The following NRG2 variants were observed in gnomAD, a reference collection of about 807,000 sequenced individuals.
NRG2 encodes the protein pro-neuregulin-2, membrane-bound isoform.
Under a neutral mutation model 73.9 loss-of-function variants are expected in NRG2, and 27 were observed. The ratio of observed to expected loss-of-function variants is 0.37; its 90% confidence interval spans 0.27 to 0.50. NRG2 has a LOEUF of 0.50. NRG2 is among the 20% of genes least tolerant of loss of function. The pLI is 0.96. For synonymous variants in NRG2, 532 were observed against 541.0 expected, an observed-to-expected ratio of 0.98 and a Z score of 0.23; for missense variants, 1,126 against 1,210.1, an observed-to-expected ratio of 0.93 and a Z score of 1.03.
chr5:139,848,021 C>T lies in NRG2; in HGVS notation c.2449G>A (p.Asp817Asn). The change falls in exon 10 of 10, where the codon GAC becomes AAC. Residue 817 changes from aspartate to asparagine, a missense_variant. Coordinates refer to ENST00000361474, the MANE Select transcript of NRG2 (RefSeq NM_004883.3). ...TCCAGTGAGTAGTAAGTCCTGCTGT[C>T]GGCCGCCGGGCACAGTGGCGGCGAG... ...SDSPPLCPAA[D>N]SRTYYSLDSH... is the part of the protein sequence containing the mutation. The T allele has an allele frequency of 6.6e-7, 1 of 1,511,410 alleles. No individual in the cohort carries two copies. The allele number at this position is 1,511,410 out of a possible 1,614,324, so 93.6% of individuals were successfully genotyped here. A position where few individuals can be genotyped will look rare whatever the true frequency, so the allele number is the denominator to read the frequency against.
At chr5:139,855,644 G>A in intron 6 of NRG2, 32 bp downstream of exon 6, 1 of 1,573,770 alleles carries the variant, frequency 6.4e-7, no homozygotes. Flanking sequence ...CCTTGGCTTG[G>A]CCTGTCCCCA....
chr5:139,942,468 T>C (rs1247603833), intron 1 of NRG2, among the ~76,000 whole-genome samples: 1 of 152,234 alleles, frequency 6.6e-6, no homozygotes, highest in Non-Finnish European at 1.5e-5. Context: ...TTGTACTGAG[T>C]TAGTGTTTTC....
intron 1 of NRG2, among the ~76,000 whole-genome samples, chr5:140,024,387 T>C (rs955389108): frequency 1.3e-5 from 2 of 151,836 alleles, no homozygotes; most frequent in Admixed American, 6.6e-5. Context: ...CCAGAGTAGC[T>C]GGGACTACAG....
intron 1 of NRG2, among the ~76,000 whole-genome samples, chr5:140,014,791 A>C (rs2126652300): frequency 6.6e-6 from 1 of 152,298 alleles, no homozygotes; most frequent in South Asian, 2.1e-4. Flanking sequence ...CTTTCAAATA[A>C]GTAAAATTAT....
intron 1 of NRG2, among the ~76,000 whole-genome samples, chr5:140,010,429 A>G (rs367592676): frequency 2.6e-5 from 4 of 152,328 alleles, no homozygotes; most frequent in African/African-American, 7.2e-5. Flanking sequence ...TGGCGTGTCA[A>G]TGTAGGCTTA....
At chr5:139,872,102 G>C (rs1343584545) in intron 3 of NRG2, among the ~76,000 whole-genome samples, 1 of 152,228 alleles carries the variant, frequency 6.6e-6, no homozygotes, top group Non-Finnish European at 1.5e-5. Context: ...TCATTCTTTT[G>C]TGGGGGGAGC....
intron 1 of NRG2, among the ~76,000 whole-genome samples, chr5:140,038,789 G>A (rs183227306): frequency 1.3e-5 from 2 of 152,270 alleles, no homozygotes; most frequent in African/African-American, 4.8e-5. Flanking sequence ...AAGAAATAAT[G>A]ACATTAGGGT....
At chr5:140,030,783 C>T (rs1761078550) in intron 1 of NRG2, among the ~76,000 whole-genome samples, 1 of 152,164 alleles carries the variant, frequency 6.6e-6, no homozygotes, top group Non-Finnish European at 1.5e-5. Flanking sequence ...CTACTTGGCT[C>T]TACATGGTGG....
chr5:140,002,616 G>A (rs1266967713), intron 1 of NRG2, among the ~76,000 whole-genome samples: 1 of 152,242 alleles, frequency 6.6e-6, no homozygotes, highest in African/African-American at 2.4e-5. Flanking sequence ...GTAGGAGCCG[G>A]AGTCAGAGAG....
At chr5:139,889,379 T>G (rs183631121) in intron 1 of NRG2, among the ~76,000 whole-genome samples, 1 of 152,126 alleles carries the variant, frequency 6.6e-6, no homozygotes, top group East Asian at 1.9e-4. Flanking sequence ...ATTCAAGAAG[T>G]GAAAAGAGGT....
At chr5:139,881,497 C>T (rs1017688077) in intron 2 of NRG2, among the ~76,000 whole-genome samples, 1 of 152,226 alleles carries the variant, frequency 6.6e-6, no homozygotes, top group African/African-American at 2.4e-5. Flanking sequence ...AGCGCTGCCA[C>T]TAAGGGGCAC....
At chr5:139,874,810 CA>C (rs1266325668) in intron 3 of NRG2, among the ~76,000 whole-genome samples, 1 of 152,196 alleles carries the variant, frequency 6.6e-6, no homozygotes, top group Non-Finnish European at 1.5e-5. Flanking sequence ...CAGTATATTT[CA>C]GACTATGCTG....
intron 1 of NRG2, among the ~76,000 whole-genome samples, chr5:139,978,786 C>T (rs948495582): frequency 2.7e-5 from 4 of 150,720 alleles, no homozygotes; most frequent in Non-Finnish European, 1.5e-5. Context: ...TATTGCAGCA[C>T]TATGTTTATT....
rs1338356681 is a variant in NRG2, at chr5:139,848,039, G to A, written c.2431C>T (p.Pro811Ser). 3 of 1,508,374 alleles carry A rather than the reference G, an allele frequency of 2.0e-6. No individual in the cohort carries two copies. The highest frequency in any genetic ancestry group is 5.5e-5 in the East Asian group (2 of 36,648). 93.4% of individuals were successfully genotyped at this position (1,508,374 alleles called of 1,614,324 possible). A position where few individuals can be genotyped will look rare whatever the true frequency, so the allele number is the denominator to read the frequency against. ...CTGCTGTCGGCCGCCGGGCACAGTG[G>A]CGGCGAGTCCGAGCGCAGCGCGTCG... Reference protein sequence around the residue: ...AHDALRSDSPPLCPAADSRTY... With the variant: ...AHDALRSDSPSLCPAADSRTY... Residue 811 changes from proline (P) to serine (S), a missense_variant, in exon 10 of 10, where the codon CCA (proline) becomes TCA (serine). By Grantham distance (74) the Pro-to-Ser change is moderately conservative (BLOSUM62 -1). Coordinates refer to ENST00000361474, the MANE Select transcript of NRG2 (RefSeq NM_004883.3).
At chr5:139,941,857 T>C (rs1346444450) in intron 1 of NRG2, among the ~76,000 whole-genome samples, 1 of 152,172 alleles carries the variant, frequency 6.6e-6, no homozygotes, top group Non-Finnish European at 1.5e-5. Flanking sequence ...CAACTTCCCA[T>C]AGCATGGGAA....
intron 1 of NRG2, among the ~76,000 whole-genome samples, chr5:140,016,959 T>C (rs968195737): frequency 2.0e-5 from 3 of 152,186 alleles, no homozygotes; most frequent in Non-Finnish European, 2.9e-5. Flanking sequence ...TGTTGTAATA[T>C]ATGCTAAAGA....
chr5:140,043,217 G>C lies in NRG2; in HGVS notation c.-148C>G. The C allele has an allele frequency of 1.2e-6, 1 of 848,394 alleles. No individual in the cohort carries two copies. The highest frequency in any genetic ancestry group is 1.7e-6 in the Non-Finnish European group (1 of 578,936). 52.6% of individuals were successfully genotyped at this position (848,394 alleles called of 1,614,324 possible). Reference sequence around the variant, plus strand: ...CGGGGAGGTGGCCCAGCTAGGGCAGGGGGCAGGCGGCAAGCGGGCCGCGAT... The same window carrying C: ...CGGGGAGGTGGCCCAGCTAGGGCAGCGGGCAGGCGGCAAGCGGGCCGCGAT... On this transcript the variant is annotated 5_prime_UTR_variant, in exon 1 of 10. Coordinates refer to ENST00000361474, the MANE Select transcript of NRG2 (RefSeq NM_004883.3). This position sits in a 1 kb window ranked among gnomAD's most constrained non-coding sequence, Gnocchi z 6.7.
At chr5:139,891,541 A>G (rs1764210311) in intron 1 of NRG2, among the ~76,000 whole-genome samples, 1 of 152,098 alleles carries the variant, frequency 6.6e-6, no homozygotes, top group African/African-American at 2.4e-5. Flanking sequence ...ATTCAACCAT[A>G]CCAAGAAATA....
At chr5:140,025,676 T>C (rs1176753602) in intron 1 of NRG2, among the ~76,000 whole-genome samples, 2 of 152,234 alleles carry the variant, frequency 1.3e-5, no homozygotes, top group Non-Finnish European at 2.9e-5. Context: ...TATACATACC[T>C]AAGGTCAGTT....
Sources: gnomAD v4.1 joint callset for allele counts (sites outside exome capture counted in the v4.1 genomes callset) on GRCh38, gnomAD v4.1.1 for gene constraint, Gnocchi (gnomAD v3.1) non-coding constraint, MANE v1.5 for transcripts, NCBI Gene and HGNC (gene_info 2026-07-23, HGNC 2026-07-21) for gene names.